ZNF426: variants seen among roughly 807,000 people sequenced by gnomAD.
ZNF426 encodes the protein CTC-543D15.7.
A neutral mutation model predicts 24.0 loss-of-function variants in ZNF426; 23 were observed. The observed-to-expected ratio is 0.96, with a 90% CI of 0.69 to 1.36. The LOEUF is 1.36. ZNF426 is among the 40% of genes most tolerant of loss of function. ZNF426 has a pLI of 0.00. For synonymous variants in ZNF426, 272 were observed against 224.6 expected, an observed-to-expected ratio of 1.21 and a Z score of -1.89; for missense variants, 646 against 658.4, an observed-to-expected ratio of 0.98 and a Z score of 0.21.
At position 9,535,245 on chromosome 19, in the gene ZNF426, A is replaced by C. The variant is rs762227636; in HGVS notation, c.60T>G (p.His20Gln). The change falls in exon 4 of 8, where the codon CAT becomes CAG. Residue 20 changes from histidine (H) to glutamine (Q), a missense_variant. His to Gln is a conservative substitution (Grantham distance 24). Transcript: ENST00000253115. ...TTCTTCCTGCTGGTGTCTTTTCTTCATGAAGGCAAACTGGGTCCCCAGAAA... is the reference window on the plus strand; with the variant it reads ...TTCTTCCTGCTGGTGTCTTTTCTTCCTGAAGGCAAACTGGGTCCCCAGAAA... Reference protein sequence around the residue: ...HYLSGDPVCLHEEKTPAGRIV... With the variant: ...HYLSGDPVCLQEEKTPAGRIV... 6.2e-7 allele frequency: 1 copy of C among 1,613,542 alleles called. No individual in the cohort carries two copies. The highest frequency in any genetic ancestry group is 1.1e-5 in the South Asian group (1 of 91,060).
At chr19:9,533,429 C>T (rs1207051691) in intron 5 of ZNF426, among the ~76,000 whole-genome samples, 1 of 152,206 alleles carries the variant, frequency 6.6e-6, no homozygotes, top group African/African-American at 2.4e-5. Context: ...GCACTCCAGC[C>T]TGCGTGACAG....
At chr19:9,531,109 G>T in intron 6 of ZNF426, 42 bp from the exon 7 acceptor site, 1 of 1,506,698 alleles carries the variant, frequency 6.6e-7, no homozygotes, top group Non-Finnish European at 9.2e-7. Context: ...CTCAAGCTAG[G>T]CACAGTGGCT....
chr19:9,529,656 G>T lies in ZNF426; in HGVS notation c.409-20C>A. On this transcript the variant is annotated intron_variant, in intron 7 of 7. Coordinates refer to ENST00000253115, the MANE Select transcript of ZNF426 (RefSeq NM_024106.3). ...TCCTTCCTGTTGAAGGGATGATGAT[G>T]ATTTAAGGATTTTTCTCAAACATAT... 1 of 1,557,740 alleles carries T rather than the reference G, an allele frequency of 6.4e-7. No homozygotes were observed. Among genetic ancestry groups the T allele is most frequent in the Non-Finnish European group, 8.6e-7 (1 of 1,161,718 alleles).
rs371400377 is a variant in ZNF426, at chr19:9,528,475, T to C, written c.1570A>G (p.Lys524Glu). 1 of 1,614,018 alleles carries C rather than the reference T, an allele frequency of 6.2e-7. No homozygotes were observed. Among genetic ancestry groups the C allele is most frequent in the African/African-American group, 1.3e-5 (1 of 74,910 alleles). ...TCSSSFRIHE[K>E]THTEEKPYKC... ...TAGGGTTTCTCTTCTGTGTGAGTTT[T>C]TTCATGAATTCTAAAGGAACTGGAA... Residue 524 changes from lysine to glutamate, a missense_variant, in exon 8 of 8, where the codon AAA (lysine) becomes GAA (glutamate). By Grantham distance (56) the Lys-to-Glu change is moderately conservative. Transcript: ENST00000253115.
intron 4 of ZNF426, 116 bp downstream of exon 4, chr19:9,535,072 C>A (rs113537722): frequency 2.2e-5 from 16 of 736,794 alleles, no homozygotes; most frequent in Non-Finnish European, 3.0e-5. Context: ...AGCGAGACTC[C>A]CTCTCAAAAA....
chr19:9,525,813 GAC>G lies in ZNF426; in HGVS notation c.*2565_*2566del, dbSNP rs1416691097. On this transcript the variant is annotated 3_prime_UTR_variant, in exon 8 of 8. Transcript: ENST00000253115. ...TTTATTTATTTATTTATTTTTTTGA[GAC>G]AGTGTCTCACTGTTTCCCAGGCTGG... is the stretch of plus-strand genomic sequence containing the variant. 5 of 149,880 alleles carry G rather than the reference GAC, an allele frequency of 3.3e-5. No individual in the cohort carries two copies. Among genetic ancestry groups the G allele is most frequent in the Non-Finnish European group, 5.9e-5 (4 of 67,476 alleles). The allele number at this position is 149,880 out of a possible 1,614,324, so 9.3% of individuals were successfully genotyped here. A position where few individuals can be genotyped will look rare whatever the true frequency, so the allele number is the denominator to read the frequency against.
At position 9,529,645 on chromosome 19, in the gene ZNF426, G is replaced by A. The variant is rs73002167; in HGVS notation, c.409-9C>T. 18 of 1,574,230 alleles carry A rather than the reference G, an allele frequency of 1.1e-5. No individual in the cohort carries two copies. Among genetic ancestry groups the A allele is most frequent in the Non-Finnish European group, 1.5e-5 (18 of 1,169,150 alleles). ...CCATTGTGTTTTCCTTCCTGTTGAA[G>A]GGATGATGATGATTTAAGGATTTTT... On this transcript the variant is annotated splice_polypyrimidine_tract_variant and intron_variant, in intron 7 of 7. Coordinates refer to ENST00000253115, the MANE Select transcript of ZNF426 (RefSeq NM_024106.3).
At chr19:9,535,327 A>G (rs2073950218) in intron 3 of ZNF426, 48 bp from the exon 4 acceptor site, 1 of 1,384,522 alleles carries the variant, frequency 7.2e-7, no homozygotes, top group African/African-American at 1.4e-5. Flanking sequence ...CATAATCCCC[A>G]CATCCACCTA....
rs1157010070 is a variant in ZNF426, at chr19:9,526,415, C to T, written c.*1965G>A. ...TCCAAGAACAGACAGGCAGTGTAAA[C>T]ACAGAGATGGAAATTCTAAGAACCA... On this transcript the variant is annotated 3_prime_UTR_variant, in exon 8 of 8. Transcript: ENST00000253115. 1.3e-5 allele frequency: 2 copies of T among 151,866 alleles called. No individual in the cohort carries two copies. The highest frequency in any genetic ancestry group is 2.9e-5 in the Non-Finnish European group (2 of 68,010). The allele number at this position is 151,866 out of a possible 1,614,324, so 9.4% of individuals were successfully genotyped here.
chr19:9,535,760 A>G (rs900079891), intron 3 of ZNF426, among the ~76,000 whole-genome samples: 2 of 151,350 alleles, frequency 1.3e-5, no homozygotes, highest in African/African-American at 4.9e-5. Flanking sequence ...CTTGAGCCCA[A>G]CAGTTTGAGG....
chr19:9,536,425 G>A (rs975915806), intron 2 of ZNF426, 69 bp from the exon 3 acceptor site: 6 of 1,426,874 alleles, frequency 4.2e-6, no homozygotes, highest in Admixed American at 4.3e-5. Context: ...ACACCGGCTG[G>A]GGCAGTAGCT....
rs1281034445 is a variant in ZNF426, at chr19:9,524,901, A to ACATTGCTTTACATTTTCAG, written c.*3460_*3478dup. The ACATTGCTTTACATTTTCAG allele has an allele frequency of 1.3e-5, 2 of 152,062 alleles. No homozygotes were observed. Among genetic ancestry groups the ACATTGCTTTACATTTTCAG allele is most frequent in the East Asian group, 3.8e-4 (2 of 5,196 alleles). 9.4% of individuals were successfully genotyped at this position (152,062 alleles called of 1,614,324 possible). ...TGAATTTAAATAACTAGGTTTTTCA[A>ACATTGCTTTACATTTTCAG]CATTGCTTTACATTTTCAGGGTTTT... On this transcript the variant is annotated 3_prime_UTR_variant, in exon 8 of 8. Coordinates refer to ENST00000253115, the MANE Select transcript of ZNF426 (RefSeq NM_024106.3).
chr19:9,530,110 G>A (rs988304251), intron 7 of ZNF426, among the ~76,000 whole-genome samples: 4 of 151,794 alleles, frequency 2.6e-5, no homozygotes, highest in African/African-American at 9.7e-5. Context: ...AACAAAGCGA[G>A]ACTCCGTCTC....
At chr19:9,535,049 A>G in intron 4 of ZNF426, 139 bp downstream of exon 4, 1 of 618,760 alleles carries the variant, frequency 1.6e-6, no homozygotes, top group South Asian at 1.9e-5. Context: ...ACTGCACTCC[A>G]GCCTGGCAAC....
intron 6 of ZNF426, 29 bp from the exon 7 acceptor site, chr19:9,531,096 G>T: frequency 6.3e-7 from 1 of 1,584,224 alleles, no homozygotes; most frequent in Non-Finnish European, 8.7e-7. Flanking sequence ...ACAAATAAAA[G>T]GACTCAAGCT....
At chr19:9,534,229 G>GACA (rs1484279739) in intron 4 of ZNF426, among the ~76,000 whole-genome samples, 1 of 150,946 alleles carries the variant, frequency 6.6e-6, no homozygotes. Flanking sequence ...TTTTTGAAAT[G>GACA]GACTCTTACT....
intron 7 of ZNF426, 133 bp from the exon 8 acceptor site, chr19:9,529,769 C>G: frequency 2.5e-6 from 2 of 812,488 alleles, no homozygotes; most frequent in East Asian, 5.4e-5. Flanking sequence ...AGGTCCTTCC[C>G]TGTAGATTTA....
intron 4 of ZNF426, 115 bp downstream of exon 4, chr19:9,535,073 C>T (rs561650606): frequency 2.4e-4 from 179 of 739,342 alleles, no homozygotes; most frequent in Middle Eastern, 4.4e-4. Flanking sequence ...GCGAGACTCC[C>T]TCTCAAAAAA....
At chr19:9,532,988 A>G in intron 5 of ZNF426, 63 bp from the exon 6 acceptor site, 2 of 1,338,050 alleles carry the variant, frequency 1.5e-6, no homozygotes, top group Non-Finnish European at 2.1e-6. Context: ...CCTTTCTGTG[A>G]TTCAGGAACT....
Sources: allele counts gnomAD v4.1 joint callset (sites outside exome capture counted in the v4.1 genomes callset), GRCh38; gene constraint gnomAD v4.1.1; transcripts MANE v1.5; gene names NCBI Gene and HGNC (gene_info 2026-07-23, HGNC 2026-07-21).